RIMS2: variants seen among roughly 807,000 people sequenced by gnomAD.
RIMS2 encodes the protein regulating synaptic membrane exocytosis protein 2.
Under a neutral mutation model 174.4 loss-of-function variants are expected in RIMS2, and 59 were observed. The observed-to-expected ratio is 0.34, with a 90% CI of 0.27 to 0.42. The LOEUF (loss-of-function observed/expected upper bound fraction) is 0.42, where lower values mean the gene tolerates loss of function less well. Ranked by LOEUF, RIMS2 falls within the 10% of genes least tolerant of loss-of-function variation. The probability of loss-of-function intolerance (pLI) is 1.00; values close to 1 mark genes in which losing one functional copy is unlikely to be tolerated. For synonymous variants in RIMS2, 606 were observed against 572.5 expected (o/e 1.06, Z -0.84); for missense variants, 1,620 against 1,666.3 (o/e 0.97, Z 0.48).
intron 23 of RIMS2, 78 bp downstream of exon 29, chr8:104,251,241 G>A (rs1011218897): frequency 4.4e-5 from 54 of 1,232,258 alleles, no homozygotes; most frequent in South Asian, 3.6e-4. Flanking sequence ...AATCTTTTCT[G>A]TTGTATTCTT....
chr8:103,609,106 G>A (rs2095271286), intron 1 of RIMS2, among the ~76,000 whole-genome samples: 1 of 152,146 alleles, frequency 6.6e-6, no homozygotes. Flanking sequence ...CTAATGATTA[G>A]TGATGTTGAG....
intron 2 of RIMS2, among the ~76,000 whole-genome samples, chr8:103,751,283 T>C (rs1272184435): frequency 1.3e-5 from 2 of 152,060 alleles, no homozygotes; most frequent in Non-Finnish European, 2.9e-5. Flanking sequence ...AACTCATCCT[T>C]TTTTATGGCT....
At chr8:104,203,834 A>G (rs1164447169) in intron 19 of RIMS2, among the ~76,000 whole-genome samples, 1 of 152,226 alleles carries the variant, frequency 6.6e-6, no homozygotes, top group Non-Finnish European at 1.5e-5. Flanking sequence ...TACACTAAAT[A>G]AAACAATTGA....
chr8:104,121,993 G>A (rs940191842), intron 19 of RIMS2, among the ~76,000 whole-genome samples: 2 of 151,936 alleles, frequency 1.3e-5, no homozygotes, highest in African/African-American at 2.4e-5. Context: ...TAATATAATA[G>A]AATAAAGTAA....
chr8:103,781,246 G>A (rs2098385388), intron 3 of RIMS2, among the ~76,000 whole-genome samples: 2 of 152,174 alleles, frequency 1.3e-5, no homozygotes, highest in South Asian at 4.1e-4. Context: ...AGATTATGGG[G>A]AAAGGCATCA....
chr8:104,057,257 A>C (rs937914685), intron 19 of RIMS2, among the ~76,000 whole-genome samples: 9 of 151,638 alleles, frequency 5.9e-5, no homozygotes, highest in African/African-American at 2.2e-4. Context: ...TGTTGAGAAG[A>C]GGTTCTCACT....
At chr8:104,248,736 G>A (rs894767821) in exon 21 of RIMS2, 1 of 1,613,024 alleles carries the variant, frequency 6.2e-7, no homozygotes, top group Non-Finnish European at 8.5e-7. Context: ...GCCTCTGATA[G>A]CCAGTTCAGT....
At chr8:104,075,547 G>A (rs1453138725) in intron 19 of RIMS2, among the ~76,000 whole-genome samples, 1 of 152,204 alleles carries the variant, frequency 6.6e-6, no homozygotes, top group African/African-American at 2.4e-5. Flanking sequence ...TGATGAAGAT[G>A]TCAGAGACTA....
chr8:103,563,971 A>C (rs2091995743), intron 1 of RIMS2, among the ~76,000 whole-genome samples: 1 of 152,186 alleles, frequency 6.6e-6, no homozygotes, highest in Admixed American at 6.5e-5. Context: ...CTCATGATTC[A>C]ATTACCTTTC....
rs181544139 is a variant in RIMS2, at chr8:104,084,088, A to T, written c.3334+69473A>T. Among the ~76,000 whole-genome samples the T allele has an allele frequency of 6.3e-4, 96 of 152,230 alleles. 1 individual carries two copies. The highest frequency in any genetic ancestry group is 6.3e-3 in the Admixed American group (96 of 15,290). On this transcript the variant is annotated intron_variant, in intron 19 of 23. Transcript: ENST00000504942. ...TTATTATTAATAATGTGTTATGGTG[A>T]TAGATTGTTACTGTCCTCAGTTTAA...
At chr8:103,536,850 A>T (rs1484756619) in intron 1 of RIMS2, among the ~76,000 whole-genome samples, 1 of 152,234 alleles carries the variant, frequency 6.6e-6, no homozygotes, top group East Asian at 1.9e-4. Context: ...GATCCAAAAC[A>T]TATCAGTCAC....
intron 19 of RIMS2, among the ~76,000 whole-genome samples, chr8:104,021,430 T>C (rs371771391): frequency 6.6e-6 from 1 of 152,216 alleles, no homozygotes; most frequent in Non-Finnish European, 1.5e-5. Context: ...TTTTGATTAG[T>C]AATTATGAAA....
At chr8:104,213,166 GT>G (rs2099113127) in intron 19 of RIMS2, among the ~76,000 whole-genome samples, 1 of 152,074 alleles carries the variant, frequency 6.6e-6, no homozygotes, top group Non-Finnish European at 1.5e-5. Context: ...ACAAAAATTA[GT>G]CAGGCATTGT....
intron 3 of RIMS2, among the ~76,000 whole-genome samples, chr8:103,782,204 A>T (rs1229389149): frequency 6.6e-6 from 1 of 151,644 alleles, no homozygotes; most frequent in Non-Finnish European, 1.5e-5. Flanking sequence ...ATATACGTAC[A>T]CTATATATAT....
At chr8:103,753,022 A>T (rs920957074) in intron 2 of RIMS2, among the ~76,000 whole-genome samples, 8 of 151,986 alleles carry the variant, frequency 5.3e-5, no homozygotes, top group African/African-American at 1.9e-4. Flanking sequence ...CAGTTTTCAA[A>T]GGGAATGCTT....
At chr8:103,779,651 A>G (rs199975797) in intron 3 of RIMS2, among the ~76,000 whole-genome samples, 1 of 150,820 alleles carries the variant, frequency 6.6e-6, no homozygotes, top group African/African-American at 2.4e-5. Context: ...ACTATTGCAA[A>G]GACAGAAAAC....
intron 2 of RIMS2, among the ~76,000 whole-genome samples, chr8:103,744,279 T>A (rs1286371801): frequency 6.6e-6 from 1 of 151,716 alleles, no homozygotes; most frequent in Non-Finnish European, 1.5e-5. Flanking sequence ...CTCTTGACCT[T>A]GCGATCCACC....
chr8:104,053,240 A>G (rs563759640), intron 19 of RIMS2, among the ~76,000 whole-genome samples: 5 of 152,326 alleles, frequency 3.3e-5, no homozygotes, highest in African/African-American at 1.2e-4. Context: ...TGAACTCAAT[A>G]TTGGAGATAT....
At chr8:104,039,809 A>G (rs997196996) in intron 19 of RIMS2, among the ~76,000 whole-genome samples, 4 of 151,710 alleles carry the variant, frequency 2.6e-5, no homozygotes, top group South Asian at 2.1e-4. Flanking sequence ...AAAATATAGC[A>G]TGTGTCATTT....
Sources: allele counts gnomAD v4.1 joint callset (sites outside exome capture counted in the v4.1 genomes callset), GRCh38; gene constraint gnomAD v4.1.1; transcripts MANE v1.5; gene names NCBI Gene and HGNC (gene_info 2026-07-23, HGNC 2026-07-21).